FRAS1: variants seen among roughly 807,000 people sequenced by gnomAD.
The protein encoded by FRAS1 is extracellular matrix organizing protein FRAS1.
FRAS1 carries 290 observed loss-of-function variants against 435.2 expected under a neutral mutation model. That is an observed-to-expected ratio of 0.67 (90% confidence interval 0.61 to 0.73). The LOEUF is 0.73. Ranked by LOEUF, FRAS1 falls within the 30% of genes least tolerant of loss-of-function variation. FRAS1 has a pLI of 0.00. For missense variants in FRAS1, 4,860 were observed against 5,001.5 expected, an observed-to-expected ratio of 0.97 and a Z score of 0.85; for synonymous variants, 1,800 against 1,851.0, an observed-to-expected ratio of 0.97 and a Z score of 0.71.
chr4:78,296,500 C>T (rs1728151410), intron 14 of FRAS1, among the ~76,000 whole-genome samples: 1 of 152,116 alleles, frequency 6.6e-6, no homozygotes, highest in Admixed American at 6.6e-5. Flanking sequence ...CAGCCTTGGC[C>T]TCTTGTGGGG....
At chr4:78,181,815 G>A (rs1010390605) in intron 2 of FRAS1, 67 of 1,612,004 alleles carry the variant, frequency 4.2e-5, no homozygotes, top group Middle Eastern at 4.5e-4. Flanking sequence ...GGGTTCTTGC[G>A]GTCTTTCTGG....
At chr4:78,090,463 T>C (rs1741459993) in intron 2 of FRAS1, among the ~76,000 whole-genome samples, 2 of 152,154 alleles carry the variant, frequency 1.3e-5, no homozygotes, top group African/African-American at 4.8e-5. Flanking sequence ...TTGCCTTATT[T>C]TCAGAACCTG....
chr4:78,447,020 C>A, intron 43 of FRAS1, 140 bp downstream of exon 43: 1 of 852,216 alleles, frequency 1.2e-6, no homozygotes, highest in Non-Finnish European at 1.7e-6. Context: ...AAATTCACAG[C>A]TGGCTAATAT....
In FRAS1 at chr4:78,541,483, GAGA is replaced by G. The variant is rs1722050092; in HGVS notation, c.*365_*367del. 1 of 165,600 alleles carries G rather than the reference GAGA, an allele frequency of 6.0e-6. No homozygotes were observed. Among genetic ancestry groups the G allele is most frequent in the Admixed American group, 6.4e-5 (1 of 15,616 alleles). 10.3% of individuals were successfully genotyped at this position (165,600 alleles called of 1,614,324 possible). On this transcript the variant is annotated 3_prime_UTR_variant, in exon 74 of 74. Coordinates refer to ENST00000512123, the MANE Select transcript of FRAS1 (RefSeq NM_025074.7). ...GTAGAGTACCATGGCAGATCTCAGA[GAGA>G]AGAAGTAGGTACGGGCCTTTGGTTC...
At chr4:78,410,825 T>C (rs1733302865) in intron 31 of FRAS1, among the ~76,000 whole-genome samples, 1 of 152,230 alleles carries the variant, frequency 6.6e-6, no homozygotes, top group Non-Finnish European at 1.5e-5. Context: ...GCATCTTTGT[T>C]GCAAATATGA....
At chr4:78,480,060 A>G (rs961127494) in intron 56 of FRAS1, among the ~76,000 whole-genome samples, 1 of 152,188 alleles carries the variant, frequency 6.6e-6, no homozygotes, top group Non-Finnish European at 1.5e-5. Flanking sequence ...CACCTCAAGC[A>G]TTTATCCTTT....
At chr4:78,511,603 A>G (rs1267540395) in intron 64 of FRAS1, 97 bp downstream of exon 64, 4 of 939,430 alleles carry the variant, frequency 4.3e-6, no homozygotes, top group Non-Finnish European at 6.8e-6. Context: ...ATGCTTCTGC[A>G]TGATAAAAAT....
At chr4:78,414,699 T>A (rs927078634) in intron 32 of FRAS1, among the ~76,000 whole-genome samples, 1 of 152,202 alleles carries the variant, frequency 6.6e-6, no homozygotes, top group African/African-American at 2.4e-5. Context: ...TATATGTGAT[T>A]AAAGGTAGGA....
At chr4:78,075,445 A>T (rs905427128) in intron 2 of FRAS1, among the ~76,000 whole-genome samples, 1 of 152,162 alleles carries the variant, frequency 6.6e-6, no homozygotes, top group Non-Finnish European at 1.5e-5. Context: ...TATAAATTGA[A>T]TTTTATGTTA....
In FRAS1 at chr4:78,491,393, G is replaced by A. The variant is rs183690279; in HGVS notation, c.8958+2313G>A. Among the ~76,000 whole-genome samples, 496 of 152,194 alleles carry A rather than the reference G, an allele frequency of 3.3e-3. 6 individuals carry two copies. Among genetic ancestry groups the A allele is most frequent in the African/African-American group, 0.011 (465 of 41,522 alleles). Reference sequence around the variant, plus strand: ...CAATATCTCTGATGAACATCAATGCGAAAATACTCAATAAAATACTGGCAA... The same window carrying A: ...CAATATCTCTGATGAACATCAATGCAAAAATACTCAATAAAATACTGGCAA... On this transcript the variant is annotated intron_variant, in intron 59 of 73. Coordinates refer to ENST00000512123, the MANE Select transcript of FRAS1 (RefSeq NM_025074.7).
At chr4:78,246,937 A>G (rs1246312964) in intron 4 of FRAS1, among the ~76,000 whole-genome samples, 3 of 152,220 alleles carry the variant, frequency 2.0e-5, no homozygotes. Flanking sequence ...TTTTACAATT[A>G]TCTTTCCTGC....
chr4:78,137,595 T>C (rs1719977612), intron 2 of FRAS1, among the ~76,000 whole-genome samples: 1 of 152,264 alleles, frequency 6.6e-6, no homozygotes, highest in African/African-American at 2.4e-5. Flanking sequence ...AAGTACTGTC[T>C]GGGGAGGCTG....
At chr4:78,224,416 G>A (rs1034537450) in intron 2 of FRAS1, among the ~76,000 whole-genome samples, 2 of 152,036 alleles carry the variant, frequency 1.3e-5, no homozygotes, top group African/African-American at 2.4e-5. Flanking sequence ...ATATACATAC[G>A]TATGTATGCA....
At chr4:78,263,965 C>T (rs1216895207) in intron 6 of FRAS1, among the ~76,000 whole-genome samples, 1 of 152,194 alleles carries the variant, frequency 6.6e-6, no homozygotes, top group Non-Finnish European at 1.5e-5. Flanking sequence ...CCCAAGTAGA[C>T]TGGCCTTCTT....
chr4:78,307,842 G>A (rs549695448), intron 14 of FRAS1, among the ~76,000 whole-genome samples: 2 of 152,316 alleles, frequency 1.3e-5, no homozygotes, highest in South Asian at 4.2e-4. Context: ...GGGAGCTGTA[G>A]GCCGGAGCTG....
Position 78,161,466 on chromosome 4 carries a change from T to C in FRAS1, c.109-76044T>C, listed in dbSNP as rs187838126. On this transcript the variant is annotated intron_variant, in intron 2 of 73. Transcript: ENST00000512123. ...GTGATGTGGGAATCATTATAGCACC[T>C]CCCTTGGATGATTGTTTTGGTGATT... is the stretch of plus-strand genomic sequence containing the variant. 1.3e-4 allele frequency among the ~76,000 whole-genome samples: 20 copies of C among 152,082 alleles called. No homozygotes were observed. In the East Asian group the frequency reaches 3.3e-3, roughly 25 times the overall value.
chr4:78,287,733 C>T, intron 14 of FRAS1, among the ~76,000 whole-genome samples: 1 of 152,164 alleles, frequency 6.6e-6, no homozygotes, highest in Admixed American at 6.5e-5. Context: ...GGGCCATATG[C>T]AGGTCCTATG....
intron 2 of FRAS1, among the ~76,000 whole-genome samples, chr4:78,137,085 C>T (rs1719950566): frequency 6.6e-6 from 1 of 152,232 alleles, no homozygotes. Context: ...TGCTACATCT[C>T]AAAATCCTGA....
chr4:78,078,243 A>C (rs1740745226), intron 2 of FRAS1, among the ~76,000 whole-genome samples: 1 of 152,168 alleles, frequency 6.6e-6, no homozygotes, highest in Non-Finnish European at 1.5e-5. Context: ...CACTGTGATG[A>C]ATGTTCTTGC....
Sources: allele counts gnomAD v4.1 joint callset (sites outside exome capture counted in the v4.1 genomes callset), GRCh38; gene constraint gnomAD v4.1.1; transcripts MANE v1.5; gene names NCBI Gene and HGNC (gene_info 2026-07-23, HGNC 2026-07-21).